ZNF254: variants seen among roughly 807,000 people sequenced by gnomAD.
The protein encoded by ZNF254 is zinc finger protein 254.
Under a neutral mutation model 12.4 loss-of-function variants are expected in ZNF254, and 10 were observed. The observed-to-expected ratio is 0.80, with a 90% CI of 0.50 to 1.36. The LOEUF is 1.36. ZNF254 is among the 40% of genes most tolerant of loss of function. The pLI is 0.00. For synonymous variants in ZNF254, 305 were observed against 253.4 expected (o/e 1.20, Z -1.93); for missense variants, 996 against 763.9 (o/e 1.30, Z -3.58).
intron 1 of ZNF254, chr19:24,046,130 C>G (rs987041426): frequency 4.0e-5 from 6 of 151,890 alleles, no homozygotes. Context: ...CAGTACTGAG[C>G]TGGCAATTAC....
chr19:24,091,940 C>T lies in ZNF254; in HGVS notation c.30+4603C>T, dbSNP rs1484075160. 12 of 560,270 alleles carry T rather than the reference C, an allele frequency of 2.1e-5. No homozygotes were observed. In the South Asian group the frequency reaches 3.2e-4, roughly 15 times the overall value. 34.7% of individuals were successfully genotyped at this position (560,270 alleles called of 1,614,324 possible). On this transcript the variant is annotated intron_variant, in intron 1 of 3. Coordinates refer to ENST00000357002, the MANE Select transcript of ZNF254 (RefSeq NM_203282.4). The stretch of plus-strand genomic sequence containing the variant: ...TGTTGGCCAAGCTGGAGTGCAGAGG[C>T]GCAATCTCAGCTCACTGCAAGCTCT...
intron 2 of ZNF254, chr19:24,079,453 A>G (rs1457956708): frequency 6.6e-6 from 1 of 152,196 alleles, no homozygotes; most frequent in East Asian, 1.9e-4. Flanking sequence ...CTGCCTATCA[A>G]CCTCCAAGGG....
intron 1 of ZNF254, among the ~76,000 whole-genome samples, chr19:24,033,892 A>G (rs573402377): frequency 6.6e-6 from 1 of 152,354 alleles, no homozygotes; most frequent in African/African-American, 2.4e-5. Context: ...CAGGCGGATC[A>G]TCAGGGCGGA....
At chr19:24,066,651 G>T (rs937567779) in intron 2 of ZNF254, 6 of 152,208 alleles carry the variant, frequency 3.9e-5, no homozygotes, top group Non-Finnish European at 7.3e-5. Context: ...TTCGAGACCA[G>T]CCTGGTCAAC....
chr19:24,043,978 C>G (rs571970240), intron 1 of ZNF254, among the ~76,000 whole-genome samples: 28 of 152,272 alleles, frequency 1.8e-4, no homozygotes, highest in African/African-American at 6.5e-4. Context: ...TGGTGGCTCA[C>G]GCCTGTAATC....
intron 3 of ZNF254, among the ~76,000 whole-genome samples, chr19:24,115,226 G>C (rs1356791437): frequency 6.6e-6 from 1 of 151,882 alleles, no homozygotes; most frequent in Non-Finnish European, 1.5e-5. Context: ...ACATGCACAA[G>C]TATGTTTATT....
upstream of ZNF254, among the ~76,000 whole-genome samples, chr19:24,082,549 C>T (rs2145588019): frequency 8.0e-6 from 1 of 124,606 alleles, no homozygotes; most frequent in South Asian, 3.1e-4. Context: ...ACTTGGGAGG[C>T]TGAGGCAGAA....
At chr19:24,062,524 G>A (rs1166480079) in intron 2 of ZNF254, among the ~76,000 whole-genome samples, 1 of 152,192 alleles carries the variant, frequency 6.6e-6, no homozygotes, top group East Asian at 1.9e-4. Context: ...GTTCAGAGCA[G>A]GTTGCAACTC....
At chr19:24,108,625 G>T (rs1973479187) in intron 3 of ZNF254, among the ~76,000 whole-genome samples, 1 of 152,110 alleles carries the variant, frequency 6.6e-6, no homozygotes, top group South Asian at 2.1e-4. Context: ...ATGATGCCTG[G>T]TTCTCTCATA....
chr19:24,087,380 G>T, intron 1 of ZNF254, 43 bp downstream of exon 1: 2 of 1,612,376 alleles, frequency 1.2e-6, no homozygotes, highest in Non-Finnish European at 8.5e-7. Flanking sequence ...GGAGGGGGCT[G>T]GTTGGAACTG....
intron 3 of ZNF254, among the ~76,000 whole-genome samples, chr19:24,109,177 C>T (rs576356781): frequency 2.6e-5 from 4 of 152,204 alleles, no homozygotes; most frequent in African/African-American, 9.6e-5. Context: ...GTATTTAAAA[C>T]ATAAAAATTG....
At chr19:24,108,701 C>G (rs1275239290) in intron 3 of ZNF254, among the ~76,000 whole-genome samples, 1 of 152,036 alleles carries the variant, frequency 6.6e-6, no homozygotes, top group African/African-American at 2.4e-5. Context: ...AATAAGGCAC[C>G]TTTAATTTTT....
At chr19:24,048,085 G>A (rs1373226369) in intron 2 of ZNF254, among the ~76,000 whole-genome samples, 1 of 132,558 alleles carries the variant, frequency 7.5e-6, no homozygotes, top group African/African-American at 2.9e-5. Context: ...TTAGTCGCCA[G>A]AGGGACAGCT....
chr19:24,122,708 G>A (rs1450348919), intron 3 of ZNF254, among the ~76,000 whole-genome samples: 2 of 151,666 alleles, frequency 1.3e-5, no homozygotes, highest in African/African-American at 2.4e-5. Context: ...AAGACTGAGT[G>A]ATATTTCAGA....
chr19:24,120,454 A>G, intron 3 of ZNF254, among the ~76,000 whole-genome samples: 1 of 152,260 alleles, frequency 6.6e-6, no homozygotes, highest in East Asian at 1.9e-4. Flanking sequence ...TATTTTGTGT[A>G]TTAACATTTA....
chr19:24,091,881 ATT>A (rs111787297), intron 1 of ZNF254: 5,380 of 805,734 alleles, frequency 6.7e-3, no homozygotes, highest in Middle Eastern at 9.0e-3. Flanking sequence ...TATGTGATTA[ATT>A]TTTTTTTTTT....
upstream of ZNF254, among the ~76,000 whole-genome samples, chr19:24,085,805 T>G (rs905796921): frequency 6.6e-6 from 1 of 151,608 alleles, no homozygotes; most frequent in African/African-American, 2.4e-5. Flanking sequence ...AAAAGCAAAA[T>G]ATGCTTTTGA....
intron 2 of ZNF254, chr19:24,046,399 A>ATATATATATATATATATATT: frequency 6.9e-6 from 1 of 145,810 alleles, no homozygotes. Context: ...ATATATATAT[A>ATATATATATATATATATATT]TGTGCAGATC....
At chr19:24,120,430 A>C (rs1349047750) in intron 3 of ZNF254, among the ~76,000 whole-genome samples, 1 of 152,132 alleles carries the variant, frequency 6.6e-6, no homozygotes, top group Non-Finnish European at 1.5e-5. Context: ...TTTTCAGTTT[A>C]TTAATATAAA....
Sources: allele counts gnomAD v4.1 joint callset (sites outside exome capture counted in the v4.1 genomes callset), GRCh38; gene constraint gnomAD v4.1.1; transcripts MANE v1.5; gene names NCBI Gene and HGNC (gene_info 2026-07-23, HGNC 2026-07-21).